The following GAK variants were observed in gnomAD, a reference collection of about 807,000 sequenced individuals.
The protein encoded by GAK is cyclin-G-associated kinase.
Under a neutral mutation model 143.9 loss-of-function variants are expected in GAK, and 79 were observed. The observed-to-expected ratio is 0.55, with a 90% CI of 0.46 to 0.66. GAK has a LOEUF of 0.66. GAK is among the 30% of genes least tolerant of loss of function. The probability of loss-of-function intolerance (pLI) is 0.00; values close to 1 mark genes in which losing one functional copy is unlikely to be tolerated. For missense variants in GAK, 1,693 were observed against 1,779.7 expected (o/e 0.95, Z 0.88); for synonymous variants, 881 against 765.5 (o/e 1.15, Z -2.49).
At chr4:902,505 G>C (rs1262146206) in intron 5 of GAK, among the ~76,000 whole-genome samples, 1 of 147,884 alleles carries the variant, frequency 6.8e-6, no homozygotes, top group African/African-American at 2.5e-5. Flanking sequence ...AGGAGGCTCA[G>C]GTGGGAGATC....
At chr4:855,676 G>A (rs1263207540) in intron 24 of GAK, among the ~76,000 whole-genome samples, 34 of 152,210 alleles carry the variant, frequency 2.2e-4, no homozygotes, top group African/African-American at 2.4e-5. Flanking sequence ...GGTTAAAAAT[G>A]ATATTGGCTT....
rs142107211 is a variant in GAK, at chr4:849,710, G to A, written c.3899C>T (p.Ser1300Leu). 8.4e-4 allele frequency: 1,361 copies of A among 1,613,298 alleles called. 5 individuals are homozygous for A. In the East Asian group the frequency reaches 0.013, roughly 15 times the overall value. Residue 1300 changes from serine to leucine, a missense_variant, in exon 28 of 28, where the codon TCG becomes TTG. Physicochemically the swap from Ser to Leu is moderately radical, Grantham distance 145 (BLOSUM62 -2). This residue lies in a region of GAK where 822 missense variants were observed against 788.7 expected (regional missense o/e 1.04). Coordinates refer to ENST00000314167, the MANE Select transcript of GAK (RefSeq NM_005255.4). ...CCGGGAGCCCTGGTTCTCAAACTCC[G>A]ACCAGGCGTCATTCAGCTCCATGAA... ...MIFMELNDAW[S>L]EFENQGSRPL...
chr4:915,543 C>T (rs1017060016), intron 1 of GAK: 1 of 152,212 alleles, frequency 6.6e-6, no homozygotes, highest in African/African-American at 2.4e-5. Context: ...CATAAAACAG[C>T]AAACCAAGCC....
At position 849,709 on chromosome 4, in the gene GAK, C is replaced by T. The variant is rs764398190; in HGVS notation, c.3900G>A (p.Ser1300=). 2.0e-5 allele frequency: 32 copies of T among 1,613,314 alleles called. No individual in the cohort carries two copies. Among genetic ancestry groups the T allele is most frequent in the South Asian group, 5.5e-5 (5 of 90,954 alleles). ...GCCGGGAGCCCTGGTTCTCAAACTCCGACCAGGCGTCATTCAGCTCCATGA... is the reference window on the plus strand; with the variant it reads ...GCCGGGAGCCCTGGTTCTCAAACTCTGACCAGGCGTCATTCAGCTCCATGA... The part of the protein sequence containing the change: ...MIFMELNDAW[S]EFENQGSRPL... The change falls in exon 28 of 28, where the codon TCG becomes TCA. Residue 1300 remains serine, a synonymous_variant. Transcript: ENST00000314167.
rs7375353 is a variant in GAK at position 926,999 on chromosome 4, G to C, written c.145+5044C>G. On this transcript the variant is annotated intron_variant, in intron 1 of 27. Transcript: ENST00000314167. Reference sequence around the variant, plus strand: ...CTCCGCACTGCCCCGCACCCCTCCCGGCTCACCAGCGCTCCGCACTGCCCC... The same window carrying C: ...CTCCGCACTGCCCCGCACCCCTCCCCGCTCACCAGCGCTCCGCACTGCCCC... Among the ~76,000 whole-genome samples, 43 of 7,680 alleles carry C rather than the reference G, an allele frequency of 5.6e-3. 2 individuals carry two copies. Among genetic ancestry groups the C allele is most frequent in the East Asian group, 0.029 (3 of 104 alleles). 5.0% of individuals were successfully genotyped at this position (7,680 alleles called of 152,430 possible). A position where few individuals can be genotyped will look rare whatever the true frequency, so the allele number is the denominator to read the frequency against.
intron 7 of GAK, 95 bp from the exon 8 acceptor site, chr4:894,104 G>A (rs1030423418): frequency 4.0e-5 from 54 of 1,358,420 alleles, no homozygotes; most frequent in South Asian, 2.2e-4. Context: ...CCAGGCCCAC[G>A]GGGAATGCAG....
At chr4:918,038 C>T (rs1723342088) in intron 1 of GAK, among the ~76,000 whole-genome samples, 1 of 152,060 alleles carries the variant, frequency 6.6e-6, no homozygotes, top group South Asian at 2.1e-4. Flanking sequence ...GTATAAATAC[C>T]AAATTAAGGA....
rs1475141063 is a variant in GAK at position 932,158 on chromosome 4, G to A, written c.30C>T (p.Phe10=). Reference sequence around the variant, plus strand: ...CGCCCAGGGAGCCTGGACCCGCCAAGAAGTCGAGCGCCGACTGCAGCAGCG... The same window carrying A: ...CGCCCAGGGAGCCTGGACCCGCCAAAAAGTCGAGCGCCGACTGCAGCAGCG... MSLLQSALD[F]LAGPGSLGGA... Residue 10 remains phenylalanine, a synonymous_variant, in exon 1 of 28, where the codon TTC becomes TTT. Transcript: ENST00000314167. The surrounding 1 kb of genome is among the most constrained non-coding windows in gnomAD (Gnocchi z 4.0). The A allele has an allele frequency of 1.3e-6, 2 of 1,580,302 alleles. No individual in the cohort carries two copies. Among genetic ancestry groups the A allele is most frequent in the South Asian group, 2.3e-5 (2 of 87,108 alleles).
chr4:918,253 AAAC>A (rs1339602077), intron 1 of GAK, among the ~76,000 whole-genome samples: 18 of 152,376 alleles, frequency 1.2e-4, no homozygotes, highest in African/African-American at 4.1e-4. Flanking sequence ...CAAAATTTAG[AAAC>A]AACAACTACA....
intron 5 of GAK, among the ~76,000 whole-genome samples, chr4:898,842 G>A (rs1719314113): frequency 6.6e-6 from 1 of 150,818 alleles, no homozygotes; most frequent in South Asian, 2.1e-4. Context: ...CAGCCTGGGT[G>A]ACAGGGCAAG....
intron 24 of GAK, among the ~76,000 whole-genome samples, chr4:854,004 G>A (rs867851522): frequency 3.4e-4 from 52 of 152,126 alleles, no homozygotes; most frequent in African/African-American, 1.1e-3. Context: ...CTCCATGTTG[G>A]TCAGGCTGGT....
chr4:929,532 T>C (rs1488043635), intron 1 of GAK, among the ~76,000 whole-genome samples: 1 of 152,176 alleles, frequency 6.6e-6, no homozygotes, highest in Non-Finnish European at 1.5e-5. Context: ...CTGACATGGT[T>C]GGTGCTCCTG....
In GAK at chr4:929,076, T is replaced by C. The variant is rs549425855; in HGVS notation, c.145+2967A>G. The stretch of plus-strand genomic sequence containing the variant: ...TGCGCCCGGCCCAGAACATTCTAAG[T>C]AAGTGAAGGGAGGAAGCCTCCAAAA... On this transcript the variant is annotated intron_variant, in intron 1 of 27. Coordinates refer to ENST00000314167, the MANE Select transcript of GAK (RefSeq NM_005255.4). 9.2e-5 allele frequency among the ~76,000 whole-genome samples: 14 copies of C among 152,074 alleles called. No individual in the cohort carries two copies. In the East Asian group the frequency reaches 2.7e-3, roughly 29 times the overall value.
intron 19 of GAK, 48 bp from the exon 20 acceptor site, chr4:868,733 C>T (rs778908034): frequency 4.5e-5 from 69 of 1,526,016 alleles, no homozygotes; most frequent in African/African-American, 5.5e-5. Flanking sequence ...CCAGCAGCCT[C>T]GGGGCAACAC....
Position 849,365 on chromosome 4 carries a change from G to A in GAK, c.*308C>T. 1 of 449,248 alleles carries A rather than the reference G, an allele frequency of 2.2e-6. No homozygotes were observed. The highest frequency in any genetic ancestry group is 2.6e-5 in the South Asian group (1 of 38,808). 27.8% of individuals were successfully genotyped at this position (449,248 alleles called of 1,614,324 possible). ...ACACCAGGGCCCATGAGCGCCAGCA[G>A]CGTGGCCCACCACGTGCCGGGGCTC... On this transcript the variant is annotated 3_prime_UTR_variant, in exon 28 of 28. Transcript: ENST00000314167.
chr4:891,627 G>C (rs1160935335), intron 9 of GAK, among the ~76,000 whole-genome samples: 1 of 152,062 alleles, frequency 6.6e-6, no homozygotes, highest in African/African-American at 2.4e-5. Context: ...CTAGGGGCCT[G>C]ATTCTGCCCA....
intron 1 of GAK, among the ~76,000 whole-genome samples, chr4:919,272 C>T (rs1723551628): frequency 6.8e-6 from 1 of 147,580 alleles, no homozygotes; most frequent in Non-Finnish European, 1.5e-5. Context: ...CTCCAAAGGC[C>T]TCAGTGCCGC....
intron 5 of GAK, among the ~76,000 whole-genome samples, chr4:903,335 G>C (rs998832994): frequency 6.6e-6 from 1 of 152,228 alleles, no homozygotes; most frequent in African/African-American, 2.4e-5. Context: ...AGAGTCTGCC[G>C]GTGAACGGAA....
chr4:898,196 TA>T (rs1310320328), intron 5 of GAK, 38 bp from the exon 6 acceptor site: 3 of 1,609,248 alleles, frequency 1.9e-6, no homozygotes, highest in Non-Finnish European at 2.6e-6. Context: ...GAACTTGGCG[TA>T]GACAGAGATG....
Sources: gnomAD v4.1 joint callset for allele counts (sites outside exome capture counted in the v4.1 genomes callset) on GRCh38, gnomAD v4.1.1 for gene constraint, gnomAD v4.1.1 regional missense constraint, Gnocchi (gnomAD v3.1) non-coding constraint, MANE v1.5 for transcripts, NCBI Gene and HGNC (gene_info 2026-07-23, HGNC 2026-07-21) for gene names.